Variants in PARP12 observed in about 807,000 individuals in gnomAD.
PARP12 encodes protein mono-ADP-ribosyltransferase PARP12.
Under a neutral mutation model 72.4 loss-of-function variants are expected in PARP12, and 59 were observed. That is an observed-to-expected ratio of 0.81 (90% CI 0.66 to 1.01). The LOEUF (loss-of-function observed/expected upper bound fraction) is 1.01, where lower values mean the gene tolerates loss of function less well. PARP12 is among the 50% of genes least tolerant of loss of function. PARP12 has a pLI of 0.00. For missense variants in PARP12, 851 were observed against 914.0 expected, an observed-to-expected ratio of 0.93 and a Z score of 0.89; for synonymous variants, 403 against 371.4, an observed-to-expected ratio of 1.09 and a Z score of -0.98.
In PARP12 at chr7:140,043,175, C is replaced by T. The variant is rs189842317; in HGVS notation, c.987-1336G>A. 1.7e-3 allele frequency among the ~76,000 whole-genome samples: 263 copies of T among 152,222 alleles called. 2 individuals are homozygous for T. The highest frequency in any genetic ancestry group is 5.9e-3 in the African/African-American group (245 of 41,534). The stretch of plus-strand genomic sequence containing the variant: ...CACCACTGCGCTCCAACTTGGGCGA[C>T]AGAGTGAGACTCCATCTCAAAAAAA... On this transcript the variant is annotated intron_variant, in intron 5 of 11. Coordinates refer to ENST00000263549, the MANE Select transcript of PARP12 (RefSeq NM_022750.4).
intron 1 of PARP12, among the ~76,000 whole-genome samples, chr7:140,060,242 C>T (rs969020197): frequency 6.6e-6 from 1 of 152,186 alleles, no homozygotes; most frequent in African/African-American, 2.4e-5. Context: ...CAGGTTGAAA[C>T]AAGGTGGGCT....
In PARP12 at chr7:140,062,745, T is replaced by C; in HGVS notation, c.103A>G (p.Ser35Gly). The C allele has an allele frequency of 7.2e-7, 1 of 1,381,834 alleles. No individual in the cohort carries two copies. 85.6% of individuals were successfully genotyped at this position (1,381,834 alleles called of 1,614,324 possible). A position where few individuals can be genotyped will look rare whatever the true frequency, so the allele number is the denominator to read the frequency against. ...AGCAGCCGCTCCAGCGCGTCGGCGC[T>C]CAAGCCCATCCGCAAGCGGCGCCGC... ...ELRRRLRMGL[S>G]ADALERLLRQ... Residue 35 changes from serine (S) to glycine (G), a missense_variant, in exon 1 of 12, where the codon AGC (serine) becomes GGC (glycine). By Grantham distance (56) the Ser-to-Gly change is moderately conservative (BLOSUM62 0). This residue lies in a region of PARP12 where 492 missense variants were observed against 489.3 expected (regional missense o/e 1.01). Coordinates refer to ENST00000263549, the MANE Select transcript of PARP12 (RefSeq NM_022750.4).
chr7:140,057,498 CTCA>C (rs71871905), intron 2 of PARP12: 23,336 of 364,552 alleles, frequency 0.064, 1,545 homozygotes, highest in African/African-American at 0.23. Context: ...CCCACACTGA[CTCA>C]TCAACTCTCC....
At chr7:140,048,428 C>G (rs1816824324) in intron 4 of PARP12, among the ~76,000 whole-genome samples, 1 of 152,008 alleles carries the variant, frequency 6.6e-6, no homozygotes, top group South Asian at 2.1e-4. Context: ...TGAGGTTCTG[C>G]TATATCCACA....
Position 140,057,111 on chromosome 7 carries a change from A to C in PARP12, c.505T>G (p.Cys169Gly). ...TTGATGCACTGCTTTTGAAAGGCAC[A>C]AGAGCCGTGGGGTCCATCTCCTTTG... ...YNKGDGPHGS[C>G]AFQKQCIKLH... is the part of the protein sequence containing the mutation. The change falls in exon 3 of 12, where the codon TGT becomes GGT. Residue 169 changes from cysteine (C) to glycine (G), a missense_variant. Cys to Gly is a radical substitution (Grantham distance 159). Coordinates refer to ENST00000263549, the MANE Select transcript of PARP12 (RefSeq NM_022750.4). 1 of 1,614,188 alleles carries C rather than the reference A, an allele frequency of 6.2e-7. No individual in the cohort carries two copies. The highest frequency in any genetic ancestry group is 1.3e-5 in the African/African-American group (1 of 75,054).
At chr7:140,049,114 G>C (rs1049916102) in intron 4 of PARP12, among the ~76,000 whole-genome samples, 1 of 152,210 alleles carries the variant, frequency 6.6e-6, no homozygotes, top group Non-Finnish European at 1.5e-5. Flanking sequence ...ACCTGGTGGG[G>C]GAAGTCCCAT....
At chr7:140,047,057 C>CCCTA in intron 4 of PARP12, 50 bp from the exon 5 acceptor site, 1 of 1,556,348 alleles carries the variant, frequency 6.4e-7, no homozygotes, top group Non-Finnish European at 8.7e-7. Context: ...ACACAGCATG[C>CCCTA]CCTAGCCTTG....
At position 140,024,698 on chromosome 7, in the gene PARP12, G is replaced by A. The variant is rs139278523; in HGVS notation, c.1968C>T (p.Ser656=). Residue 656 remains serine (S), a synonymous_variant, in exon 12 of 12, where the codon TCC becomes TCT. Transcript: ENST00000263549. The stretch of plus-strand genomic sequence containing the variant: ...CAAAGATCACAAAGATGGAGGGGTC[G>A]GACACACTGTTCACGCAGCTATCAT... ...AFYDSCVNSV[S]DPSIFVIFEK... is the part of the protein sequence containing the mutation. 6.5e-4 allele frequency: 1,045 copies of A among 1,614,010 alleles called. 1 individual carries two copies. The highest frequency in any genetic ancestry group is 8.2e-4 in the Non-Finnish European group (964 of 1,180,050).
intron 5 of PARP12, among the ~76,000 whole-genome samples, chr7:140,043,256 A>G (rs1816571324): frequency 6.6e-6 from 1 of 152,202 alleles, no homozygotes; most frequent in African/African-American, 2.4e-5. Flanking sequence ...ATCGATCACA[A>G]AATGTGGAAA....
chr7:140,062,931 G>T lies in PARP12; in HGVS notation c.-84C>A. 9.0e-7 allele frequency: 1 copy of T among 1,110,496 alleles called. No homozygotes were observed. Among genetic ancestry groups the T allele is most frequent in the Non-Finnish European group, 1.1e-6 (1 of 887,108 alleles). The allele number at this position is 1,110,496 out of a possible 1,614,324, so 68.8% of individuals were successfully genotyped here. ...CTGGCTGGCGGGCGGCTCTCGCAGGGTGGAGACGCCGGCGGGAAACGAAAC... is the reference window on the plus strand; with the variant it reads ...CTGGCTGGCGGGCGGCTCTCGCAGGTTGGAGACGCCGGCGGGAAACGAAAC... On this transcript the variant is annotated 5_prime_UTR_variant, in exon 1 of 12. Coordinates refer to ENST00000263549, the MANE Select transcript of PARP12 (RefSeq NM_022750.4).
intron 5 of PARP12, 141 bp from the exon 6 acceptor site, chr7:140,041,980 A>T (rs1339815040): frequency 3.0e-6 from 2 of 669,952 alleles, no homozygotes; most frequent in Non-Finnish European, 5.0e-6. Context: ...GAGGTAGAGG[A>T]AACTGCTTTT....
At position 140,028,618 on chromosome 7, in the gene PARP12, A is replaced by T; in HGVS notation, c.1492T>A (p.Phe498Ile). The change falls in exon 9 of 12, where the codon TTT becomes ATT. Residue 498 changes from phenylalanine to isoleucine, a missense_variant. Around this residue, in one of 3 missense-constraint regions of PARP12, gnomAD observed 347 missense variants for 396.1 expected, o/e 0.88. Coordinates refer to ENST00000263549, the MANE Select transcript of PARP12 (RefSeq NM_022750.4). ...CAGGCGCATGCGTCCCCTACCTGAAAGCCTGGGTCTGGCAGGGCAGAGGAG... is the reference window on the plus strand; with the variant it reads ...CAGGCGCATGCGTCCCCTACCTGAATGCCTGGGTCTGGCAGGGCAGAGGAG... ...WDSSALPDPG[F>I]QKITLSSSSE... The T allele has an allele frequency of 6.3e-7, 1 of 1,593,256 alleles. No homozygotes were observed. The highest frequency in any genetic ancestry group is 1.7e-5 in the Admixed American group (1 of 57,478).
intron 2 of PARP12, chr7:140,057,550 A>G (rs752230406): frequency 2.2e-5 from 8 of 362,546 alleles, no homozygotes; most frequent in Non-Finnish European, 4.0e-5. Flanking sequence ...TCTCTTTTCT[A>G]CAATTCAAAG....
intron 11 of PARP12, 41 bp from the exon 12 acceptor site, chr7:140,024,926 C>T: frequency 6.3e-7 from 1 of 1,587,276 alleles, no homozygotes; most frequent in Non-Finnish European, 8.6e-7. Flanking sequence ...GAGGGGCCTG[C>T]AGCCAGGAAG....
rs576900093 is a variant in PARP12 at position 140,033,066 on chromosome 7, C to T, written c.1421+1169G>A. On this transcript the variant is annotated intron_variant, in intron 8 of 11. Coordinates refer to ENST00000263549, the MANE Select transcript of PARP12 (RefSeq NM_022750.4). ...TCCCTGGGCTCAGGTGTCTCTCCCACCTCAGTCTCCTGAGTAGCTGGGACT... is the reference window on the plus strand; with the variant it reads ...TCCCTGGGCTCAGGTGTCTCTCCCATCTCAGTCTCCTGAGTAGCTGGGACT... The T allele has an allele frequency of 3.2e-5, 16 of 498,318 alleles. No homozygotes were observed. In the South Asian group the frequency reaches 7.8e-4, roughly 24 times the overall value. The allele number at this position is 498,318 out of a possible 1,614,324, so 30.9% of individuals were successfully genotyped here.
chr7:140,043,328 T>C (rs1035027695), intron 5 of PARP12, among the ~76,000 whole-genome samples: 2 of 152,118 alleles, frequency 1.3e-5, no homozygotes, highest in African/African-American at 2.4e-5. Flanking sequence ...CTATAAACAT[T>C]AGTATTCTCA....
chr7:140,049,197 C>T lies in PARP12; in HGVS notation c.863-2190G>A, dbSNP rs1816858644. Among the ~76,000 whole-genome samples the T allele has an allele frequency of 3.9e-5, 6 of 152,116 alleles. 1 individual carries two copies. The South Asian group carries it at 1.2e-3, about 32-fold the overall frequency. On this transcript the variant is annotated intron_variant, in intron 4 of 11. Coordinates refer to ENST00000263549, the MANE Select transcript of PARP12 (RefSeq NM_022750.4). The stretch of plus-strand genomic sequence containing the variant: ...CGAGCAGACAGGGCAGAAGAGAGTG[C>T]CAGGCTGAGAGGACTGAGGGAACAA...
rs577839418 is a variant in PARP12 at position 140,057,991 on chromosome 7, G to A, written c.370C>T (p.Leu124=). ...ACGCCATGAGTTCTCAGCACACTCA[G>A]GTTGTGTTCGGTTGTCAAGCTGTGA... ...NSHSLTTEHN[L]SVLRTHGVDH... Residue 124 remains leucine (L), a synonymous_variant, in exon 2 of 12, where the codon CTG becomes TTG. Coordinates refer to ENST00000263549, the MANE Select transcript of PARP12 (RefSeq NM_022750.4). 1 of 1,614,228 alleles carries A rather than the reference G, an allele frequency of 6.2e-7. No homozygotes were observed. Among genetic ancestry groups the A allele is most frequent in the African/African-American group, 1.3e-5 (1 of 75,064 alleles).
chr7:140,038,462 C>A (rs1288307551), intron 6 of PARP12, among the ~76,000 whole-genome samples: 2 of 152,244 alleles, frequency 1.3e-5, no homozygotes, highest in East Asian at 3.9e-4. Context: ...TTATCTTAAC[C>A]TCCCTGAGCC....
Sources: gnomAD v4.1 joint callset for allele counts (sites outside exome capture counted in the v4.1 genomes callset) on GRCh38, gnomAD v4.1.1 for gene constraint, gnomAD v4.1.1 regional missense constraint, MANE v1.5 for transcripts, NCBI Gene and HGNC (gene_info 2026-07-23, HGNC 2026-07-21) for gene names.